The following PTPRT variants were observed in gnomAD, a reference collection of about 807,000 sequenced individuals.
PTPRT encodes the protein protein tyrosine phosphatase receptor type T, also known as receptor-type tyrosine-protein phosphatase T.
In PTPRT, 56 loss-of-function variants were observed where a neutral mutation model predicts 176.8. The ratio of observed to expected loss-of-function variants is 0.32; its 90% CI spans 0.26 to 0.40. PTPRT has a LOEUF of 0.40. Among genes scored for constraint, PTPRT ranks in the 10% least tolerant of loss-of-function variants. The pLI is 1.00. For synonymous variants in PTPRT, 783 were observed against 739.0 expected (o/e 1.06, Z -0.96); for missense variants, 1,540 against 1,908.2 (o/e 0.81, Z 3.60).
chr20:42,409,865 T>C (rs1384819336), intron 9 of PTPRT, among the ~76,000 whole-genome samples: 1 of 152,216 alleles, frequency 6.6e-6, no homozygotes, highest in Non-Finnish European at 1.5e-5. Context: ...AGAAAACTTG[T>C]TTAATTCTAG....
At chr20:43,019,149 T>C (rs1985523570) in intron 1 of PTPRT, among the ~76,000 whole-genome samples, 1 of 152,210 alleles carries the variant, frequency 6.6e-6, no homozygotes, top group South Asian at 2.1e-4. Flanking sequence ...GAAGTAAACC[T>C]ATATGAGCTA....
intron 16 of PTPRT, among the ~76,000 whole-genome samples, chr20:42,166,724 G>A (rs1304079540): frequency 6.6e-6 from 1 of 152,112 alleles, no homozygotes; most frequent in Non-Finnish European, 1.5e-5. Flanking sequence ...TTCGAGATCA[G>A]TCTAGCCAAC....
At chr20:43,024,066 AGTGAGTATGAGCACC>A (rs1985814280) in intron 1 of PTPRT, among the ~76,000 whole-genome samples, 1 of 152,150 alleles carries the variant, frequency 6.6e-6, no homozygotes, top group Non-Finnish European at 1.5e-5. Context: ...GAATGAGCAC[AGTGAGTATGAGCACC>A]GTATCCAAGG....
At chr20:42,322,847 T>C (rs6072684) in intron 11 of PTPRT, among the ~76,000 whole-genome samples, 3 of 151,826 alleles carry the variant, frequency 2.0e-5, no homozygotes, top group African/African-American at 4.8e-5. Context: ...AGAAAATTTT[T>C]GCAGCCTACT....
intron 1 of PTPRT, among the ~76,000 whole-genome samples, chr20:43,041,289 G>A (rs1489935841): frequency 6.6e-6 from 1 of 152,220 alleles, no homozygotes; most frequent in African/African-American, 2.4e-5. Context: ...TGTATTGCTT[G>A]TGTGGTATAA....
chr20:42,446,985 C>T (rs986927118), intron 9 of PTPRT, among the ~76,000 whole-genome samples: 1 of 152,136 alleles, frequency 6.6e-6, no homozygotes, highest in African/African-American at 2.4e-5. Context: ...GCACCTTGTA[C>T]ATGTTGGATA....
At chr20:42,618,253 G>C (rs1399028170) in intron 7 of PTPRT, among the ~76,000 whole-genome samples, 2 of 128,828 alleles carry the variant, frequency 1.6e-5, no homozygotes, top group Non-Finnish European at 3.3e-5. Context: ...GAGCGGCTTT[G>C]AGTGAGATTC....
chr20:43,022,022 T>C (rs1985705045), intron 1 of PTPRT, among the ~76,000 whole-genome samples: 1 of 152,164 alleles, frequency 6.6e-6, no homozygotes, highest in South Asian at 2.1e-4. Flanking sequence ...AGGATCTTTC[T>C]TGGAAGCCCC....
chr20:42,325,419 G>T (rs1488425561), intron 11 of PTPRT, among the ~76,000 whole-genome samples: 1 of 152,046 alleles, frequency 6.6e-6, no homozygotes, highest in Non-Finnish European at 1.5e-5. Flanking sequence ...AAATATGTTG[G>T]GTAAAGGAAT....
At chr20:42,867,239 C>T (rs1170234659) in intron 2 of PTPRT, among the ~76,000 whole-genome samples, 1 of 152,172 alleles carries the variant, frequency 6.6e-6, no homozygotes, top group East Asian at 1.9e-4. Flanking sequence ...CCCTTATCCT[C>T]ATTTTAGAGA....
At chr20:42,199,047 T>A (rs1320337779) in intron 16 of PTPRT, among the ~76,000 whole-genome samples, 193 bp downstream of exon 16, 2 of 152,206 alleles carry the variant, frequency 1.3e-5, no homozygotes, top group African/African-American at 2.4e-5. Context: ...GAAGATTTTT[T>A]AAATATTCCT....
At chr20:42,059,940 A>AG in the PTPRT span, among the ~76,000 whole-genome samples, 3 of 152,162 alleles carry the variant, frequency 2.0e-5, no homozygotes. Context: ...AAAATGGAGC[A>AG]GGGGGGAGTT....
intron 2 of PTPRT, among the ~76,000 whole-genome samples, chr20:42,794,120 T>C (rs1449701227): frequency 1.3e-5 from 2 of 151,994 alleles, no homozygotes; most frequent in African/African-American, 2.4e-5. Flanking sequence ...GCTGAGGAGG[T>C]AGAGATTGCC....
At chr20:42,957,337 A>G (rs1981703980) in intron 1 of PTPRT, among the ~76,000 whole-genome samples, 1 of 152,162 alleles carries the variant, frequency 6.6e-6, no homozygotes, top group Admixed American at 6.5e-5. Flanking sequence ...TTTCCTGCAT[A>G]TGGAAGGGTG....
chr20:42,169,793 A>ACACACACACACAC (rs1568638865), intron 16 of PTPRT, among the ~76,000 whole-genome samples: 1,515 of 67,098 alleles, frequency 0.023, 37 homozygotes, highest in Non-Finnish European at 0.026. Flanking sequence ...CACACACACA[A>ACACACACACACAC]CAGTCAGTAT....
At chr20:43,009,653 G>GT (rs1379530826) in intron 1 of PTPRT, among the ~76,000 whole-genome samples, 1 of 152,198 alleles carries the variant, frequency 6.6e-6, no homozygotes, top group Non-Finnish European at 1.5e-5. Context: ...GGGCCATCCC[G>GT]TGACGCGTAG....
chr20:42,974,829 C>A (rs1053683502), intron 1 of PTPRT, among the ~76,000 whole-genome samples: 3 of 152,188 alleles, frequency 2.0e-5, no homozygotes, highest in Non-Finnish European at 2.9e-5. Flanking sequence ...TCCAGCACTA[C>A]CCCCAATGGT....
intron 8 of PTPRT, among the ~76,000 whole-genome samples, chr20:42,454,705 T>A (rs2070890222): frequency 6.6e-6 from 1 of 152,238 alleles, no homozygotes; most frequent in Admixed American, 6.5e-5. Context: ...GTGTCTTGTG[T>A]TTCTCTTTAT....
At chr20:42,173,292 G>A (rs1466389558) in intron 16 of PTPRT, among the ~76,000 whole-genome samples, 2 of 152,162 alleles carry the variant, frequency 1.3e-5, no homozygotes, top group South Asian at 2.1e-4. Context: ...TGTCTGGAGT[G>A]AACTGGGCCA....
Sources: allele counts gnomAD v4.1 joint callset (sites outside exome capture counted in the v4.1 genomes callset), GRCh38; gene constraint gnomAD v4.1.1; transcripts MANE v1.5; gene names NCBI Gene and HGNC (gene_info 2026-07-23, HGNC 2026-07-21).